GRM7: variants seen among roughly 807,000 people sequenced by gnomAD.
GRM7 encodes the protein glutamate metabotropic receptor 7, also known as metabotropic glutamate receptor 7.
Under a neutral mutation model 84.5 loss-of-function variants are expected in GRM7, and 35 were observed. That is an observed-to-expected ratio of 0.41 (90% confidence interval 0.32 to 0.55). GRM7 has a LOEUF of 0.55. Among genes scored for constraint, GRM7 ranks in the 20% least tolerant of loss-of-function variants. GRM7 has a pLI of 0.19. For synonymous variants in GRM7, 487 were observed against 455.1 expected (o/e 1.07, Z -0.89); for missense variants, 1,003 against 1,194.6 (o/e 0.84, Z 2.36).
chr3:6,992,627 G>A (rs977143319), intron 1 of GRM7, among the ~76,000 whole-genome samples: 59 of 152,182 alleles, frequency 3.9e-4, no homozygotes, highest in Non-Finnish European at 3.2e-4. Context: ...TGGGCTTACA[G>A]GGGCCAAAAG....
intron 7 of GRM7, among the ~76,000 whole-genome samples, chr3:7,522,792 C>A (rs1302852525): frequency 6.6e-6 from 1 of 152,110 alleles, no homozygotes; most frequent in Non-Finnish European, 1.5e-5. Flanking sequence ...AAGTCCTAAC[C>A]CCCAATGTAT....
At chr3:7,213,851 A>T (rs1696512525) in intron 2 of GRM7, among the ~76,000 whole-genome samples, 1 of 152,136 alleles carries the variant, frequency 6.6e-6, no homozygotes, top group Non-Finnish European at 1.5e-5. Context: ...TGGGAGAGTT[A>T]GGGCCTTGGT....
At chr3:7,509,739 C>G (rs1700141951) in intron 7 of GRM7, among the ~76,000 whole-genome samples, 1 of 152,082 alleles carries the variant, frequency 6.6e-6, no homozygotes, top group Middle Eastern at 3.2e-3. Context: ...CTCATTTTCT[C>G]TGAGTACGTG....
chr3:7,187,243 C>G (rs1235565570), intron 2 of GRM7, among the ~76,000 whole-genome samples: 1 of 152,100 alleles, frequency 6.6e-6, no homozygotes, highest in Non-Finnish European at 1.5e-5. Context: ...GTCCTTTTCT[C>G]TAGCTCGCAA....
intron 9 of GRM7, among the ~76,000 whole-genome samples, chr3:7,733,191 G>A (rs956070877): frequency 6.6e-6 from 1 of 152,178 alleles, no homozygotes; most frequent in African/African-American, 2.4e-5. Context: ...ATCCTAAGTA[G>A]TGATGTAGGA....
At chr3:7,282,013 A>G (rs1031646685) in intron 2 of GRM7, among the ~76,000 whole-genome samples, 7 of 152,114 alleles carry the variant, frequency 4.6e-5, no homozygotes, top group East Asian at 1.9e-4. Flanking sequence ...AACCCAAGAG[A>G]CGGAGGTTGC....
intron 2 of GRM7, among the ~76,000 whole-genome samples, chr3:7,210,210 C>A (rs1461344779): frequency 6.6e-6 from 1 of 152,176 alleles, no homozygotes. Context: ...ACTTCCCACA[C>A]AACATTTGTT....
intron 2 of GRM7, among the ~76,000 whole-genome samples, chr3:7,202,478 C>G (rs192595682): frequency 5.9e-5 from 9 of 152,100 alleles, no homozygotes; most frequent in Non-Finnish European, 1.2e-4. Context: ...TTACAGGCTC[C>G]TGCCACCATA....
intron 2 of GRM7, among the ~76,000 whole-genome samples, chr3:7,245,099 G>A (rs1351827889): frequency 6.6e-6 from 1 of 151,876 alleles, no homozygotes; most frequent in Non-Finnish European, 1.5e-5. Flanking sequence ...TGAGTTAGAG[G>A]AAAGGTAAAC....
At chr3:7,362,592 T>C (rs969565226) in intron 4 of GRM7, among the ~76,000 whole-genome samples, 7 of 152,084 alleles carry the variant, frequency 4.6e-5, no homozygotes, top group African/African-American at 1.7e-4. Context: ...TGATAGGTAT[T>C]GGTGAGATCC....
chr3:7,271,882 T>A (rs1698878585), intron 2 of GRM7, among the ~76,000 whole-genome samples: 1 of 152,182 alleles, frequency 6.6e-6, no homozygotes, highest in Admixed American at 6.5e-5. Context: ...AGCTGATAAC[T>A]GCTTAGTGTG....
chr3:7,077,426 C>T (rs775391426), intron 1 of GRM7, among the ~76,000 whole-genome samples: 1 of 151,982 alleles, frequency 6.6e-6, no homozygotes, highest in Non-Finnish European at 1.5e-5. Flanking sequence ...CTTTGCAGGA[C>T]GTGGATGAAG....
intron 1 of GRM7, among the ~76,000 whole-genome samples, chr3:6,934,521 A>T (rs987357274): frequency 2.6e-5 from 4 of 152,220 alleles, no homozygotes; most frequent in Non-Finnish European, 5.9e-5. Context: ...CAAAGTTACC[A>T]TGAAGACATT....
chr3:7,292,768 C>T (rs533843045), intron 2 of GRM7, among the ~76,000 whole-genome samples: 5 of 150,544 alleles, frequency 3.3e-5, no homozygotes, highest in South Asian at 2.1e-4. Context: ...CGGTGGCTCA[C>T]GCCTGTAATC....
At chr3:7,422,325 A>G (rs1002097868) in intron 5 of GRM7, among the ~76,000 whole-genome samples, 3 of 152,198 alleles carry the variant, frequency 2.0e-5, no homozygotes, top group African/African-American at 7.2e-5. Context: ...GCGTTGACCA[A>G]TGGAACCTTT....
At chr3:7,453,029 ATTTT>A (rs60916756) in intron 6 of GRM7, among the ~76,000 whole-genome samples, 1 of 141,916 alleles carries the variant, frequency 7.0e-6, no homozygotes. Flanking sequence ...TGAAATAGAG[ATTTT>A]TTTTTTTTTT....
intron 4 of GRM7, among the ~76,000 whole-genome samples, chr3:7,308,959 A>G (rs191470092): frequency 1.3e-5 from 2 of 152,366 alleles, no homozygotes; most frequent in Admixed American, 1.3e-4. Flanking sequence ...GAACAGCATC[A>G]TGAACTAGCA....
At chr3:7,145,906 G>A (rs1694094492) in intron 1 of GRM7, among the ~76,000 whole-genome samples, 1 of 152,126 alleles carries the variant, frequency 6.6e-6, no homozygotes, top group Non-Finnish European at 1.5e-5. Context: ...CTGGGGCAAA[G>A]GGTATTACAG....
chr3:7,280,029 T>A (rs2124993757), intron 2 of GRM7, among the ~76,000 whole-genome samples: 1 of 152,338 alleles, frequency 6.6e-6, no homozygotes, highest in Non-Finnish European at 1.5e-5. Context: ...CAGTGTTATT[T>A]CCAGTGTCTG....
Sources: allele counts gnomAD v4.1 joint callset (sites outside exome capture counted in the v4.1 genomes callset), GRCh38; gene constraint gnomAD v4.1.1; transcripts MANE v1.5; gene names NCBI Gene and HGNC (gene_info 2026-07-23, HGNC 2026-07-21).